The following SLC17A4 variants were observed in gnomAD, a reference collection of about 807,000 sequenced individuals.
SLC17A4 encodes solute carrier family 17 member 4.
A neutral mutation model predicts 52.5 loss-of-function variants in SLC17A4; 33 were observed. The ratio of observed to expected loss-of-function variants is 0.63; its 90% CI spans 0.48 to 0.84. The LOEUF is 0.84. Ranked by LOEUF, SLC17A4 falls within the 40% of genes least tolerant of loss-of-function variation. The probability of loss-of-function intolerance (pLI) is 0.00; values close to 1 mark genes in which losing one functional copy is unlikely to be tolerated. For missense variants in SLC17A4, 585 were observed against 597.1 expected, an observed-to-expected ratio of 0.98 and a Z score of 0.21; for synonymous variants, 225 against 216.2, an observed-to-expected ratio of 1.04 and a Z score of -0.36.
chr6:25,756,586 C>T lies in SLC17A4; in HGVS notation c.-37+1805C>T, dbSNP rs888405356. Among the ~76,000 whole-genome samples, 20 of 152,318 alleles carry T rather than the reference C, an allele frequency of 1.3e-4. No homozygotes were observed. In the East Asian group the frequency reaches 3.5e-3, roughly 26 times the overall value. On this transcript the variant is annotated intron_variant, in intron 1 of 11. Coordinates refer to ENST00000377905, the MANE Select transcript of SLC17A4 (RefSeq NM_005495.3). The stretch of plus-strand genomic sequence containing the variant: ...CACGCTGTCCCCACAACAGCACTGT[C>T]CTCCCTTCACCCTCGGCTGTCTGTT...
At chr6:25,755,679 A>G (rs1760953724) in intron 1 of SLC17A4, among the ~76,000 whole-genome samples, 1 of 152,172 alleles carries the variant, frequency 6.6e-6, no homozygotes, top group Non-Finnish European at 1.5e-5. Flanking sequence ...TGACTCACAC[A>G]TTTATATTTC....
At chr6:25,773,120 G>A (rs574249375) in intron 6 of SLC17A4, among the ~76,000 whole-genome samples, 155 bp from the exon 7 acceptor site, 1 of 152,358 alleles carries the variant, frequency 6.6e-6, no homozygotes, top group African/African-American at 2.4e-5. Context: ...TGGTGAGGAA[G>A]TACCCTCCCC....
At chr6:25,766,584 A>G (rs573107644) in intron 2 of SLC17A4, among the ~76,000 whole-genome samples, 2 of 152,342 alleles carry the variant, frequency 1.3e-5, no homozygotes, top group East Asian at 3.9e-4. Context: ...CAGGGCACCA[A>G]GATCAACTCA....
Position 25,776,970 on chromosome 6 carries a change from C to T in SLC17A4, c.1268+11C>T. On this transcript the variant is annotated intron_variant, in intron 10 of 11. Coordinates refer to ENST00000377905, the MANE Select transcript of SLC17A4 (RefSeq NM_005495.3). ...GGATATTGCTCCTCGGTAGGGACCT[C>T]TTTTGCCTCATCCTTTCAGACACTC... The T allele has an allele frequency of 6.2e-7, 1 of 1,600,688 alleles. No individual in the cohort carries two copies. The highest frequency in any genetic ancestry group is 8.5e-7 in the Non-Finnish European group (1 of 1,173,036).
intron 6 of SLC17A4, 55 bp downstream of exon 6, chr6:25,771,067 T>A: frequency 7.1e-7 from 1 of 1,409,606 alleles, no homozygotes; most frequent in Non-Finnish European, 1.0e-6. Context: ...TGTGATGCAA[T>A]TTATCTATGG....
chr6:25,765,964 T>C (rs1297650037), intron 2 of SLC17A4, among the ~76,000 whole-genome samples: 1 of 151,906 alleles, frequency 6.6e-6, no homozygotes, highest in Non-Finnish European at 1.5e-5. Flanking sequence ...AGAGATTAAA[T>C]ACAAGCAATT....
chr6:25,767,797 G>A (rs990724869), intron 2 of SLC17A4, among the ~76,000 whole-genome samples: 10 of 152,032 alleles, frequency 6.6e-5, no homozygotes, highest in African/African-American at 1.9e-4. Flanking sequence ...AATGAAATAC[G>A]TGTTGCAAAC....
chr6:25,766,782 T>C (rs561142716), intron 2 of SLC17A4, among the ~76,000 whole-genome samples: 1 of 152,342 alleles, frequency 6.6e-6, no homozygotes, highest in East Asian at 1.9e-4. Flanking sequence ...TCAAGGTCTT[T>C]AGACATTTTA....
intron 1 of SLC17A4, among the ~76,000 whole-genome samples, chr6:25,758,369 A>G (rs929539744): frequency 2.0e-5 from 3 of 152,202 alleles, no homozygotes; most frequent in Admixed American, 1.3e-4. Flanking sequence ...TGTCCCTGAA[A>G]TTTATTTTTA....
At chr6:25,757,332 C>A (rs947844023) in intron 1 of SLC17A4, among the ~76,000 whole-genome samples, 1 of 152,116 alleles carries the variant, frequency 6.6e-6, no homozygotes, top group Non-Finnish European at 1.5e-5. Flanking sequence ...ATTTCACCAG[C>A]ACCTACTGCT....
intron 1 of SLC17A4, 97 bp from the exon 2 acceptor site, chr6:25,761,830 C>CT: frequency 1.5e-6 from 1 of 668,784 alleles, no homozygotes; most frequent in Admixed American, 3.3e-5. Context: ...TACCACTTTT[C>CT]TTATACAGCA....
chr6:25,773,183 C>A, intron 6 of SLC17A4, 92 bp from the exon 7 acceptor site: 1 of 962,648 alleles, frequency 1.0e-6, no homozygotes, highest in Non-Finnish European at 1.7e-6. Context: ...GTACTGAGGC[C>A]AGTCACTCTG....
Position 25,773,622 on chromosome 6 carries a change from T to A in SLC17A4, c.935T>A (p.Met312Lys). ...GAATACTGGCTTTTTTATACCATTA[T>A]GGCGTACACACCAACGTACATCAGC... Reference protein sequence around the residue: ...FCEYWLFYTIMAYTPTYISSV... With the variant: ...FCEYWLFYTIKAYTPTYISSV... Residue 312 changes from methionine to lysine, a missense_variant, in exon 8 of 12, where the codon ATG (methionine) becomes AAG (lysine). Physicochemically the swap from Met to Lys is moderately conservative, Grantham distance 95. Transcript: ENST00000377905. 6.2e-7 allele frequency: 1 copy of A among 1,613,982 alleles called. No homozygotes were observed. Among genetic ancestry groups the A allele is most frequent in the African/African-American group, 1.3e-5 (1 of 75,050 alleles).
At chr6:25,763,955 G>T (rs1430469170) in intron 2 of SLC17A4, among the ~76,000 whole-genome samples, 1 of 152,190 alleles carries the variant, frequency 6.6e-6, no homozygotes, top group Admixed American at 6.5e-5. Flanking sequence ...GGGACTGGAA[G>T]ATTCCACAAA....
chr6:25,768,298 C>G lies in SLC17A4; in HGVS notation c.92-687C>G, dbSNP rs1414247739. The G allele has an allele frequency of 4.6e-6, 4 of 869,424 alleles. No individual in the cohort carries two copies. In the Admixed American group the frequency reaches 2.5e-4, roughly 54 times the overall value. The allele number at this position is 869,424 out of a possible 1,614,324, so 53.9% of individuals were successfully genotyped here. ...GAACCAAGAAAATGGCATCTTCATACCTTGTGATCATACATTACCTCTGGG... is the reference window on the plus strand; with the variant it reads ...GAACCAAGAAAATGGCATCTTCATAGCTTGTGATCATACATTACCTCTGGG... On this transcript the variant is annotated intron_variant, in intron 2 of 11. Transcript: ENST00000377905.
intron 2 of SLC17A4, among the ~76,000 whole-genome samples, chr6:25,765,222 T>G (rs1182401418): frequency 6.6e-6 from 1 of 152,242 alleles, no homozygotes; most frequent in Non-Finnish European, 1.5e-5. Flanking sequence ...ACAGGTACAC[T>G]TATGAAAGAT....
At chr6:25,769,358 T>C (rs1762283139) in intron 3 of SLC17A4, among the ~76,000 whole-genome samples, 168 bp downstream of exon 3, 1 of 152,030 alleles carries the variant, frequency 6.6e-6, no homozygotes, top group African/African-American at 2.4e-5. Context: ...GCTCACACCT[T>C]TAGTCCCAGC....
At chr6:25,764,605 G>T (rs1892245) in intron 2 of SLC17A4, among the ~76,000 whole-genome samples, 45,409 of 152,150 alleles carry the variant, frequency 0.3, 7,756 homozygotes, top group East Asian at 0.74. Flanking sequence ...CCTTGAGGCA[G>T]GGTGCAGTGT....
intron 1 of SLC17A4, among the ~76,000 whole-genome samples, chr6:25,760,540 G>A (rs990163713): frequency 1.1e-4 from 16 of 152,070 alleles, no homozygotes; most frequent in Middle Eastern, 6.8e-3. Context: ...ATTCCTATCC[G>A]TTATTTCCTA....
Sources: allele counts gnomAD v4.1 joint callset (sites outside exome capture counted in the v4.1 genomes callset), GRCh38; gene constraint gnomAD v4.1.1; transcripts MANE v1.5; gene names NCBI Gene and HGNC (gene_info 2026-07-23, HGNC 2026-07-21).